AKAP6: variants seen among roughly 807,000 people sequenced by gnomAD.
AKAP6 encodes the protein A-kinase anchor protein 6.
Under a neutral mutation model 188.5 loss-of-function variants are expected in AKAP6, and 58 were observed. The ratio of observed to expected loss-of-function variants is 0.31; its 90% CI spans 0.25 to 0.38. The LOEUF is 0.38. Among genes scored for constraint, AKAP6 ranks in the 10% least tolerant of loss-of-function variants. The pLI, the probability that AKAP6 is intolerant of heterozygous loss-of-function variation, is 1.00. For synonymous variants in AKAP6, 989 were observed against 998.6 expected (o/e 0.99, Z 0.18); for missense variants, 2,710 against 2,740.0 (o/e 0.99, Z 0.24).
At chr14:32,336,948 A>G (rs1249764815) in intron 1 of AKAP6, among the ~76,000 whole-genome samples, 1 of 152,178 alleles carries the variant, frequency 6.6e-6, no homozygotes, top group Non-Finnish European at 1.5e-5. Context: ...AAACCAAATG[A>G]CACTGCAGTT....
chr14:32,783,671 T>C (rs1424099662), intron 12 of AKAP6, among the ~76,000 whole-genome samples: 2 of 152,178 alleles, frequency 1.3e-5, no homozygotes, highest in Non-Finnish European at 2.9e-5. Context: ...TATCAGGCAA[T>C]GTTCAGTCCT....
chr14:32,531,619 C>T (rs1295556785), intron 2 of AKAP6, among the ~76,000 whole-genome samples: 1 of 152,164 alleles, frequency 6.6e-6, no homozygotes, highest in Non-Finnish European at 1.5e-5. Flanking sequence ...GCAAAACTCC[C>T]TTGTGCTATC....
chr14:32,384,740 C>T (rs947213867), intron 1 of AKAP6, among the ~76,000 whole-genome samples: 1 of 152,072 alleles, frequency 6.6e-6, no homozygotes, highest in African/African-American at 2.4e-5. Flanking sequence ...GAACAAAGTC[C>T]ACATTATTGT....
At chr14:32,592,206 G>C (rs891475308) in intron 5 of AKAP6, among the ~76,000 whole-genome samples, 1 of 152,132 alleles carries the variant, frequency 6.6e-6, no homozygotes, top group Middle Eastern at 3.2e-3. Flanking sequence ...TATGTGCTGT[G>C]TGCCAGGCAC....
intron 4 of AKAP6, among the ~76,000 whole-genome samples, chr14:32,552,259 T>C (rs1883509213): frequency 6.6e-6 from 1 of 152,210 alleles, no homozygotes; most frequent in Non-Finnish European, 1.5e-5. Flanking sequence ...GGCCACCATC[T>C]GTTTTATTCC....
intron 8 of AKAP6, 54 bp downstream of exon 8, chr14:32,678,513 A>C: frequency 6.3e-7 from 1 of 1,598,956 alleles, no homozygotes; most frequent in South Asian, 1.1e-5. Context: ...TTTTTCAATG[A>C]TTTTCCACTG....
chr14:32,703,033 GACTAATGCTACA>G (rs1890679245), intron 9 of AKAP6, among the ~76,000 whole-genome samples: 1 of 152,114 alleles, frequency 6.6e-6, no homozygotes, highest in Non-Finnish European at 1.5e-5. Flanking sequence ...ACACTTGAAG[GACTAATGCTACA>G]ACCTATGGAA....
At chr14:32,431,504 CTTTTTTA>C (rs961816720) in intron 1 of AKAP6, among the ~76,000 whole-genome samples, 9 of 152,174 alleles carry the variant, frequency 5.9e-5, no homozygotes, top group African/African-American at 1.7e-4. Flanking sequence ...CTGTAATTCT[CTTTTTTA>C]TTTTTTATTT....
intron 1 of AKAP6, among the ~76,000 whole-genome samples, chr14:32,424,312 T>C (rs1476021928): frequency 6.6e-6 from 1 of 152,046 alleles, no homozygotes; most frequent in East Asian, 1.9e-4. Context: ...TAGCTTAATC[T>C]GTTTCTTGGC....
At chr14:32,443,102 A>G (rs1890634819) in intron 2 of AKAP6, among the ~76,000 whole-genome samples, 1 of 152,090 alleles carries the variant, frequency 6.6e-6, no homozygotes, top group African/African-American at 2.4e-5. Context: ...AGCTTTAAAA[A>G]ACCCATTGTC....
chr14:32,571,851 C>A (rs1212843784), intron 4 of AKAP6, among the ~76,000 whole-genome samples: 1 of 152,188 alleles, frequency 6.6e-6, no homozygotes, highest in Non-Finnish European at 1.5e-5. Context: ...GTAGAATGGG[C>A]TCATTCAAGC....
At chr14:32,585,368 A>G (rs1231152664) in intron 5 of AKAP6, among the ~76,000 whole-genome samples, 1 of 152,252 alleles carries the variant, frequency 6.6e-6, no homozygotes, top group Non-Finnish European at 1.5e-5. Context: ...TTGCATAGAT[A>G]GCACCGTGTT....
chr14:32,693,187 C>T (rs1288796814), intron 8 of AKAP6, among the ~76,000 whole-genome samples: 1 of 152,154 alleles, frequency 6.6e-6, no homozygotes, highest in African/African-American at 2.4e-5. Context: ...CTTCCTCCCA[C>T]AGAGGGCTGT....
At chr14:32,346,504 G>T (rs1414174941) in intron 1 of AKAP6, among the ~76,000 whole-genome samples, 4 of 152,060 alleles carry the variant, frequency 2.6e-5, no homozygotes, top group African/African-American at 9.7e-5. Flanking sequence ...AGAATGTCTT[G>T]TTTTATTTTA....
chr14:32,528,976 C>G (rs566596507), intron 2 of AKAP6, among the ~76,000 whole-genome samples: 1 of 152,238 alleles, frequency 6.6e-6, no homozygotes, highest in Admixed American at 6.5e-5. Context: ...CCGTGCCGAG[C>G]CTCTTCACAT....
chr14:32,749,016 A>C (rs2032022878), intron 11 of AKAP6, among the ~76,000 whole-genome samples: 1 of 152,206 alleles, frequency 6.6e-6, no homozygotes, highest in Admixed American at 6.5e-5. Context: ...TTTATATTTT[A>C]ATGACCATAT....
chr14:32,483,005 A>ATGTGTGTGTGTGTGTGTG (rs1435446426), intron 2 of AKAP6, among the ~76,000 whole-genome samples: 4 of 111,038 alleles, frequency 3.6e-5, no homozygotes, highest in East Asian at 8.1e-4. Context: ...ATATATATAT[A>ATGTGTGTGTGTGTGTGTG]TATATATGTA....
At chr14:32,384,429 G>A (rs1002138437) in intron 1 of AKAP6, among the ~76,000 whole-genome samples, 5 of 152,172 alleles carry the variant, frequency 3.3e-5, no homozygotes, top group African/African-American at 1.2e-4. Context: ...CACATGTTTT[G>A]TTGTTGCTTA....
At chr14:32,517,229 T>C (rs1881571006) in intron 2 of AKAP6, among the ~76,000 whole-genome samples, 1 of 152,166 alleles carries the variant, frequency 6.6e-6, no homozygotes, top group Non-Finnish European at 1.5e-5. Flanking sequence ...TATGAGCAAA[T>C]AGTTGATAAA....
Sources: gnomAD v4.1 joint callset for allele counts (sites outside exome capture counted in the v4.1 genomes callset) on GRCh38, gnomAD v4.1.1 for gene constraint, MANE v1.5 for transcripts, NCBI Gene and HGNC (gene_info 2026-07-23, HGNC 2026-07-21) for gene names.